Variants in MYMX observed in about 807,000 individuals in gnomAD.
MYMX encodes protein myomixer.
the MYMX span, among the ~76,000 whole-genome samples, chr6:44,200,462 C>T: frequency 1.3e-5 from 2 of 152,160 alleles, no homozygotes. Flanking sequence ...CTACAGGCGC[C>T]TGCCACCACA....
chr6:44,211,651 T>C, the MYMX span, among the ~76,000 whole-genome samples: 3 of 149,364 alleles, frequency 2.0e-5, no homozygotes, highest in Non-Finnish European at 4.4e-5. Context: ...GAAGTCTCAC[T>C]GTGTCGCCCA....
chr6:44,195,937 G>A, the MYMX span, among the ~76,000 whole-genome samples: 1 of 151,790 alleles, frequency 6.6e-6, no homozygotes, highest in Non-Finnish European at 1.5e-5. Flanking sequence ...GGACAATTTT[G>A]GTTTCTTTTT....
At chr6:44,212,264 G>C (rs1455762922), upstream of MYMX, among the ~76,000 whole-genome samples, 1 of 151,862 alleles carries the variant, frequency 6.6e-6, no homozygotes, top group East Asian at 1.9e-4. Flanking sequence ...AATTAGCTGG[G>C]CGTGGTAGCA....
At chr6:44,206,034 C>CA in the MYMX span, among the ~76,000 whole-genome samples, 1 of 92,686 alleles carries the variant, frequency 1.1e-5, no homozygotes. Flanking sequence ...GTTGTTGTTT[C>CA]TTTTTTAGTA....
chr6:44,214,707 G>A (rs1285368908), upstream of MYMX, among the ~76,000 whole-genome samples: 1 of 152,142 alleles, frequency 6.6e-6, no homozygotes, highest in African/African-American at 2.4e-5. Context: ...TGAGTAGCTG[G>A]GACTATAGGC....
At chr6:44,198,250 C>T in the MYMX span, among the ~76,000 whole-genome samples, 11 of 148,814 alleles carry the variant, frequency 7.4e-5, no homozygotes, top group Non-Finnish European at 3.0e-5. Context: ...GCAACCTCCG[C>T]CTCCTGGGTT....
chr6:44,206,258 G>C, the MYMX span, among the ~76,000 whole-genome samples: 1 of 152,002 alleles, frequency 6.6e-6, no homozygotes, highest in Non-Finnish European at 1.5e-5. Context: ...TTGAGATAGA[G>C]TCTCACTCTG....
At chr6:44,199,690 A>ATT in the MYMX span, among the ~76,000 whole-genome samples, 444 of 147,232 alleles carry the variant, frequency 3.0e-3, 4 homozygotes, top group African/African-American at 8.4e-3. Context: ...GGGAGAACTA[A>ATT]TTTTTTTTTT....
chr6:44,199,495 GCC>G, the MYMX span, among the ~76,000 whole-genome samples: 1 of 152,096 alleles, frequency 6.6e-6, no homozygotes, highest in Admixed American at 6.5e-5. Context: ...CCCACGCCTG[GCC>G]CCCCTCTTCT....
At chr6:44,215,480 G>T (rs1424579124), upstream of MYMX, among the ~76,000 whole-genome samples, 7 of 152,164 alleles carry the variant, frequency 4.6e-5, no homozygotes, top group Non-Finnish European at 8.8e-5. Context: ...GGGAGACTAA[G>T]GTGGATCACT....
chr6:44,205,335 A>G, the MYMX span, among the ~76,000 whole-genome samples: 1 of 152,200 alleles, frequency 6.6e-6, no homozygotes, highest in Non-Finnish European at 1.5e-5. Context: ...ATCACTATGT[A>G]TAAGCAATTA....
upstream of MYMX, among the ~76,000 whole-genome samples, chr6:44,213,674 C>T (rs568745610): frequency 1.7e-4 from 26 of 152,308 alleles, no homozygotes; most frequent in South Asian, 3.9e-3. Context: ...CCCGCCTTGG[C>T]CTCCCAGAGT....
chr6:44,213,015 G>A (rs1436482281), upstream of MYMX, among the ~76,000 whole-genome samples: 1 of 152,068 alleles, frequency 6.6e-6, no homozygotes, highest in Non-Finnish European at 1.5e-5. Context: ...GTAAGACCCT[G>A]TTTCTAAATA....
At chr6:44,202,648 T>A in the MYMX span, among the ~76,000 whole-genome samples, 2 of 152,110 alleles carry the variant, frequency 1.3e-5, no homozygotes, top group East Asian at 3.9e-4. Context: ...GCAGCTTTAG[T>A]GTTCCCGCCT....
At chr6:44,202,862 A>G in the MYMX span, among the ~76,000 whole-genome samples, 1 of 152,120 alleles carries the variant, frequency 6.6e-6, no homozygotes, top group Non-Finnish European at 1.5e-5. Context: ...TTGTTCCCAG[A>G]GACAATAGCT....
chr6:44,213,183 A>C (rs1775688567), upstream of MYMX, among the ~76,000 whole-genome samples: 1 of 151,918 alleles, frequency 6.6e-6, no homozygotes, highest in African/African-American at 2.4e-5. Flanking sequence ...CAAGAGATTA[A>C]GACCATTCTG....
At chr6:44,204,632 A>G in the MYMX span, among the ~76,000 whole-genome samples, 2 of 152,072 alleles carry the variant, frequency 1.3e-5, no homozygotes, top group African/African-American at 4.8e-5. Context: ...ACTCCAGACA[A>G]TTTTTATCAC....
At chr6:44,212,407 A>AAAATAAATAAAT (rs35574545), upstream of MYMX, among the ~76,000 whole-genome samples, 114 of 146,446 alleles carry the variant, frequency 7.8e-4, no homozygotes, top group Middle Eastern at 0.02. Context: ...CCTGTCTCAA[A>AAAATAAATAAAT]AAATAAATAA....
At chr6:44,198,559 T>A in the MYMX span, among the ~76,000 whole-genome samples, 1 of 152,046 alleles carries the variant, frequency 6.6e-6, no homozygotes, top group African/African-American at 2.4e-5. Context: ...CAGGCTGGAG[T>A]GCAGTGGCGC....
Sources: gnomAD v4.1 joint callset for allele counts (sites outside exome capture counted in the v4.1 genomes callset) on GRCh38, gnomAD v4.1.1 for gene constraint, MANE v1.5 for transcripts, NCBI Gene and HGNC (gene_info 2026-07-23, HGNC 2026-07-21) for gene names.